GCM1: variants seen among roughly 807,000 people sequenced by gnomAD.
GCM1 encodes the protein GCM transcription factor 1.
In GCM1, 2 loss-of-function variants were observed where a neutral mutation model predicts 25.7. That is an observed-to-expected ratio of 0.08 (90% confidence interval 0.03 to 0.24). GCM1 has a LOEUF of 0.24. Ranked by LOEUF, GCM1 falls within the 10% of genes least tolerant of loss-of-function variation. The pLI is 1.00. For missense variants in GCM1, 395 were observed against 538.7 expected (o/e 0.73, Z 2.64); for synonymous variants, 183 against 195.7 (o/e 0.94, Z 0.54).
chr6:53,128,357 T>A lies in GCM1; in HGVS notation c.1160A>T (p.Asp387Val). The A allele has an allele frequency of 6.2e-7, 1 of 1,613,918 alleles. No homozygotes were observed. Among genetic ancestry groups the A allele is most frequent in the Non-Finnish European group, 8.5e-7 (1 of 1,179,892 alleles). The stretch of plus-strand genomic sequence containing the variant: ...AGAGGCGTAGGTGAAGAGAAAGGGG[T>A]CTTCTTGAGGTGAATGGTATGCAGG... Reference protein sequence around the residue: ...QSPAYHSPQEDPFLFTYASHP... With the variant: ...QSPAYHSPQEVPFLFTYASHP... Residue 387 changes from aspartate (D) to valine (V), a missense_variant, in exon 6 of 6, where the codon GAC becomes GTC. Asp to Val is a radical substitution (Grantham distance 152). Coordinates refer to ENST00000259803, the MANE Select transcript of GCM1 (RefSeq NM_003643.4).
rs1246886651 is a variant in GCM1, at chr6:53,127,709, G to A, written c.*497C>T. 3 of 152,610 alleles carry A rather than the reference G, an allele frequency of 2.0e-5. No homozygotes were observed. Among genetic ancestry groups the A allele is most frequent in the African/African-American group, 4.8e-5 (2 of 41,398 alleles). The allele number at this position is 152,610 out of a possible 1,614,324, so 9.5% of individuals were successfully genotyped here. On this transcript the variant is annotated 3_prime_UTR_variant, in exon 6 of 6. Coordinates refer to ENST00000259803, the MANE Select transcript of GCM1 (RefSeq NM_003643.4). ...GAAATACTAGAGTGGAGGAGAAGAAGCCAAAAAAATTACTCATGTGAAGAA... is the reference window on the plus strand; with the variant it reads ...GAAATACTAGAGTGGAGGAGAAGAAACCAAAAAAATTACTCATGTGAAGAA...
chr6:53,142,757 C>T (rs12530041), intron 2 of GCM1, among the ~76,000 whole-genome samples: 1 of 151,320 alleles, frequency 6.6e-6, no homozygotes, highest in Admixed American at 6.6e-5. Context: ...GCTGACATTT[C>T]TAGAATTCTA....
chr6:53,134,831 T>C (rs1297306193), intron 2 of GCM1, among the ~76,000 whole-genome samples: 2 of 152,102 alleles, frequency 1.3e-5, no homozygotes, highest in African/African-American at 4.8e-5. Context: ...GTGGAAAACA[T>C]TGTGGCGGGA....
intron 2 of GCM1, among the ~76,000 whole-genome samples, chr6:53,143,103 C>A (rs1294593792): frequency 1.3e-5 from 2 of 152,148 alleles, no homozygotes; most frequent in Admixed American, 1.3e-4. Context: ...GGTATTCTCT[C>A]TACTCAGAAA....
At chr6:53,147,992 C>T (rs989488339) in intron 1 of GCM1, among the ~76,000 whole-genome samples, 3 of 152,194 alleles carry the variant, frequency 2.0e-5, no homozygotes, top group African/African-American at 7.2e-5. Flanking sequence ...GTCTGTTCCA[C>T]ATACCCATAC....
intron 2 of GCM1, among the ~76,000 whole-genome samples, chr6:53,136,222 T>C (rs1007170938): frequency 6.6e-6 from 1 of 152,252 alleles, no homozygotes; most frequent in African/African-American, 2.4e-5. Context: ...AACACATCTA[T>C]GTTCATTAAC....
chr6:53,142,218 G>A lies in GCM1; in HGVS notation c.75+3340C>T, dbSNP rs1763886374. Among the ~76,000 whole-genome samples, 3 of 152,156 alleles carry A rather than the reference G, an allele frequency of 2.0e-5. No homozygotes were observed. The South Asian group carries it at 6.2e-4, about 32-fold the overall frequency. Reference sequence around the variant, plus strand: ...AAATGATCTAGATCGATGGGACAGAGAGTGAAATTAGAGAAATTTATAATC... The same window carrying A: ...AAATGATCTAGATCGATGGGACAGAAAGTGAAATTAGAGAAATTTATAATC... On this transcript the variant is annotated intron_variant, in intron 2 of 5. Transcript: ENST00000259803.
At chr6:53,136,281 T>C (rs1763799131) in intron 2 of GCM1, among the ~76,000 whole-genome samples, 1 of 152,228 alleles carries the variant, frequency 6.6e-6, no homozygotes, top group Non-Finnish European at 1.5e-5. Context: ...AGAGACTGTA[T>C]GGCCCACAAA....
chr6:53,144,926 AAAAAAAGT>A (rs1441981828), intron 2 of GCM1, among the ~76,000 whole-genome samples: 1 of 151,176 alleles, frequency 6.6e-6, no homozygotes, highest in East Asian at 1.9e-4. Context: ...AAAAAAAAAA[AAAAAAAGT>A]AGAGGAAGAA....
At chr6:53,147,655 C>T (rs1461577271) in intron 1 of GCM1, among the ~76,000 whole-genome samples, 1 of 151,870 alleles carries the variant, frequency 6.6e-6, no homozygotes, top group East Asian at 1.9e-4. Flanking sequence ...TCTTGAACTC[C>T]TTTCCTCAGG....
chr6:53,130,911 A>G lies in GCM1; in HGVS notation c.462T>C (p.His154=). 6.2e-7 allele frequency: 1 copy of G among 1,613,700 alleles called. No homozygotes were observed. The highest frequency in any genetic ancestry group is 8.5e-7 in the Non-Finnish European group (1 of 1,179,642). The part of the protein sequence containing the change: ...IFFQSKGEHD[H]PKPETKLEAE... ...CTTCTAACTTGGTTTCTGGTTTTGG[A>G]TGATCATGCTCTCCCTTTGACTTAA... is the stretch of plus-strand genomic sequence containing the variant. Residue 154 remains histidine (H), a synonymous_variant, in exon 5 of 6, where the codon CAT becomes CAC. Coordinates refer to ENST00000259803, the MANE Select transcript of GCM1 (RefSeq NM_003643.4).
Position 53,148,833 on chromosome 6 carries a change from T to A in GCM1, c.-216A>T, listed in dbSNP as rs1764003089. 6.6e-6 allele frequency: 1 copy of A among 152,208 alleles called. No homozygotes were observed. The highest frequency in any genetic ancestry group is 1.5e-5 in the Non-Finnish European group (1 of 68,028). 9.4% of individuals were successfully genotyped at this position (152,208 alleles called of 1,614,324 possible). A position where few individuals can be genotyped will look rare whatever the true frequency, so the allele number is the denominator to read the frequency against. On this transcript the variant is annotated 5_prime_UTR_variant, in exon 1 of 6. Transcript: ENST00000259803. Reference sequence around the variant, plus strand: ...TGGTTCAAGTCCCAGCAGGCTCTGGTCATTTTCTGAGCAGACGCTGTTCCC... The same window carrying A: ...TGGTTCAAGTCCCAGCAGGCTCTGGACATTTTCTGAGCAGACGCTGTTCCC...
chr6:53,139,190 A>T (rs1763840300), intron 2 of GCM1, among the ~76,000 whole-genome samples: 1 of 152,172 alleles, frequency 6.6e-6, no homozygotes, highest in African/African-American at 2.4e-5. Flanking sequence ...AAAGCAAATT[A>T]TATAGAGGTA....
At chr6:53,147,298 T>C (rs1763971151) in intron 1 of GCM1, among the ~76,000 whole-genome samples, 1 of 152,154 alleles carries the variant, frequency 6.6e-6, no homozygotes, top group Non-Finnish European at 1.5e-5. Flanking sequence ...CATTTATTGG[T>C]ACTCTTATAA....
chr6:53,129,966 C>G (rs1025062015), intron 5 of GCM1, among the ~76,000 whole-genome samples: 1 of 152,090 alleles, frequency 6.6e-6, no homozygotes, highest in Non-Finnish European at 1.5e-5. Flanking sequence ...TAAGGGGATA[C>G]TTTTAGGGGG....
In GCM1 at chr6:53,129,055, T is replaced by G. The variant is rs552636829; in HGVS notation, c.571-109A>C. 18 of 844,300 alleles carry G rather than the reference T, an allele frequency of 2.1e-5. No individual in the cohort carries two copies. In the African/African-American group the frequency reaches 3.0e-4, roughly 14 times the overall value. The allele number at this position is 844,300 out of a possible 1,614,324, so 52.3% of individuals were successfully genotyped here. On this transcript the variant is annotated intron_variant, in intron 5 of 5. Coordinates refer to ENST00000259803, the MANE Select transcript of GCM1 (RefSeq NM_003643.4). ...AAATAAGAGCTCCATCAGATTTTCC[T>G]CATTCCTTACACATTAATACTTGAC...
chr6:53,133,220 A>G (rs1357517670), intron 3 of GCM1, among the ~76,000 whole-genome samples: 1 of 152,178 alleles, frequency 6.6e-6, no homozygotes, highest in African/African-American at 2.4e-5. Context: ...GCTGGAGTGC[A>G]GTGGCACAAC....
At chr6:53,141,688 AAAAG>A (rs113152737) in intron 2 of GCM1, among the ~76,000 whole-genome samples, 128 of 151,528 alleles carry the variant, frequency 8.4e-4, no homozygotes, top group African/African-American at 2.4e-3. Context: ...CTCTGTCTGA[AAAAG>A]AAAGAAAGAA....
chr6:53,142,000 G>GGAAAAAAAAAAAAAA lies in GCM1; in HGVS notation c.75+3557_75+3558insTTTTTTTTTTTTTTC, dbSNP rs1259951702. Among the ~76,000 whole-genome samples the GGAAAAAAAAAAAAAA allele has an allele frequency of 2.2e-3, 27 of 12,300 alleles. 3 individuals are homozygous for GGAAAAAAAAAAAAAA. The highest frequency in any genetic ancestry group is 6.9e-3 in the South Asian group (1 of 144). The allele number at this position is 12,300 out of a possible 152,430, so 8.1% of individuals were successfully genotyped here. On this transcript the variant is annotated intron_variant, in intron 2 of 5. Coordinates refer to ENST00000259803, the MANE Select transcript of GCM1 (RefSeq NM_003643.4). ...GCTTGGGTAATGAGAGTGAGACCCT[G>GGAAAAAAAAAAAAAA]AAAAAAAAAAAAAAAAAAAAAAAAA... is the stretch of plus-strand genomic sequence containing the variant.
Sources: gnomAD v4.1 joint callset for allele counts (sites outside exome capture counted in the v4.1 genomes callset) on GRCh38, gnomAD v4.1.1 for gene constraint, MANE v1.5 for transcripts, NCBI Gene and HGNC (gene_info 2026-07-23, HGNC 2026-07-21) for gene names.